Variants in PAPSS2 observed in about 807,000 individuals in gnomAD.
PAPSS2 encodes the protein bifunctional 3'-phosphoadenosine 5'-phosphosulfate synthase 2.
Under a neutral mutation model 66.5 loss-of-function variants are expected in PAPSS2, and 61 were observed. That is an observed-to-expected ratio of 0.92 (90% CI 0.75 to 1.14). PAPSS2 has a LOEUF of 1.14. PAPSS2 is among the 50% of genes most tolerant of loss of function. The pLI, the probability that PAPSS2 is intolerant of heterozygous loss-of-function variation, is 0.00. For missense variants in PAPSS2, 708 were observed against 789.6 expected (o/e 0.90, Z 1.24); for synonymous variants, 289 against 287.5 (o/e 1.01, Z -0.05).
At chr10:87,702,089 A>AT (rs1294472903) in intron 1 of PAPSS2, among the ~76,000 whole-genome samples, 3 of 152,240 alleles carry the variant, frequency 2.0e-5, no homozygotes, top group Non-Finnish European at 2.9e-5. Context: ...TAATTGTGAA[A>AT]CATTTGAAGC....
chr10:87,741,906 T>TGCCA (rs908107401), intron 10 of PAPSS2, among the ~76,000 whole-genome samples: 1 of 152,086 alleles, frequency 6.6e-6, no homozygotes, highest in Admixed American at 6.5e-5. Flanking sequence ...ACAAGGCACA[T>TGCCA]GCCACCATAC....
At chr10:87,734,626 T>C (rs1228831526) in intron 9 of PAPSS2, among the ~76,000 whole-genome samples, 2 of 146,428 alleles carry the variant, frequency 1.4e-5, no homozygotes, top group East Asian at 4.0e-4. Flanking sequence ...CCCCAGATTC[T>C]GTGACTATGA....
chr10:87,735,173 G>T lies in PAPSS2; in HGVS notation c.1087-6062G>T, dbSNP rs527327221. Among the ~76,000 whole-genome samples, 22 of 152,156 alleles carry T rather than the reference G, an allele frequency of 1.4e-4. No individual in the cohort carries two copies. In the South Asian group the frequency reaches 4.4e-3, roughly 30 times the overall value. On this transcript the variant is annotated intron_variant, in intron 9 of 12. Transcript: ENST00000456849. ...GGCAGGAAGCTTGGAAGGGGGTGGG[G>T]ACTTCTAGGCCACAAAGCCCTGGGA...
chr10:87,732,606 C>T (rs1414480805), intron 9 of PAPSS2, among the ~76,000 whole-genome samples: 1 of 151,712 alleles, frequency 6.6e-6, no homozygotes, highest in African/African-American at 2.4e-5. Context: ...ATAGTGTAAA[C>T]ATAACTTTTA....
rs1258436345 is a variant in PAPSS2, at chr10:87,713,149, T to G, written c.220T>G (p.Tyr74Asp). The G allele has an allele frequency of 6.2e-7, 1 of 1,613,458 alleles. No homozygotes were observed. Among genetic ancestry groups the G allele is most frequent in the Non-Finnish European group, 8.5e-7 (1 of 1,179,664 alleles). Reference protein sequence around the residue: ...EYLVSHAIPCYSLDGDNVRHG... With the variant: ...EYLVSHAIPCDSLDGDNVRHG... ...CCTTGTCTCCCATGCCATCCCTTGT[T>G]ACTCCCTGGATGGGGACAATGTCCG... Residue 74 changes from tyrosine to aspartate, a missense_variant, in exon 3 of 13, where the codon TAC becomes GAC. Tyr to Asp is a radical substitution (Grantham distance 160). Coordinates refer to ENST00000456849, the MANE Select transcript of PAPSS2 (RefSeq NM_001015880.2).
chr10:87,660,145 G>A, intron 1 of PAPSS2, 137 bp downstream of exon 1: 1 of 871,626 alleles, frequency 1.1e-6, no homozygotes, highest in Admixed American at 2.0e-5. Context: ...GGGGCACGGA[G>A]GGAAGCAAGA....
At chr10:87,689,690 A>T (rs1332096895) in intron 1 of PAPSS2, among the ~76,000 whole-genome samples, 2 of 151,498 alleles carry the variant, frequency 1.3e-5, no homozygotes, top group Admixed American at 6.6e-5. Flanking sequence ...AAAGAAAAAA[A>T]AAAAGAACTG....
chr10:87,716,226 G>T (rs1853530540), intron 7 of PAPSS2, among the ~76,000 whole-genome samples: 3 of 152,114 alleles, frequency 2.0e-5, no homozygotes, highest in Admixed American at 2.0e-4. Context: ...GACCTCCATG[G>T]CACCCTCCAC....
At chr10:87,683,058 CT>C (rs1170910049) in intron 1 of PAPSS2, among the ~76,000 whole-genome samples, 1 of 149,796 alleles carries the variant, frequency 6.7e-6, no homozygotes, top group Admixed American at 6.7e-5. Context: ...TTTTCTTTTT[CT>C]TTTTTTTCTT....
At position 87,709,274 on chromosome 10, in the gene PAPSS2, AC is replaced by A. The variant is rs773328160; in HGVS notation, c.107del (p.Thr36LysfsTer12). ...GAATAAGAGAGGGCAAGTGGTTGGA[AC>A]AAGGGGTGGGTTCCGAGGATGTACC... ...SRNKRGQVVGTRGGFRGCTVW... is the reference protein window; with the variant it reads ...SRNKRGQVVGXRGGFRGCTVW... On this transcript the variant is annotated frameshift_variant, in exon 2 of 13. Coordinates refer to ENST00000456849, the MANE Select transcript of PAPSS2 (RefSeq NM_001015880.2). LOFTEE classifies it high-confidence loss of function. The A allele has an allele frequency of 6.2e-7, 1 of 1,613,204 alleles. No individual in the cohort carries two copies. The highest frequency in any genetic ancestry group is 1.3e-5 in the African/African-American group (1 of 75,020).
intron 1 of PAPSS2, among the ~76,000 whole-genome samples, chr10:87,704,574 G>T (rs1853358893): frequency 7.3e-6 from 1 of 136,166 alleles, no homozygotes; most frequent in Non-Finnish European, 1.5e-5. Flanking sequence ...CATAAATGCA[G>T]CAGCATTGAG....
At chr10:87,732,809 T>C (rs1853745794) in intron 9 of PAPSS2, among the ~76,000 whole-genome samples, 1 of 152,210 alleles carries the variant, frequency 6.6e-6, no homozygotes. Context: ...AATGGTGGCA[T>C]GACTTGTGTC....
chr10:87,686,662 G>A (rs1384335396), intron 1 of PAPSS2, among the ~76,000 whole-genome samples: 1 of 152,170 alleles, frequency 6.6e-6, no homozygotes, highest in Non-Finnish European at 1.5e-5. Context: ...TTTCAGAACT[G>A]GTTGTCGACT....
chr10:87,665,412 C>T (rs189599923), intron 1 of PAPSS2, among the ~76,000 whole-genome samples: 38 of 152,254 alleles, frequency 2.5e-4, no homozygotes, highest in Admixed American at 3.9e-4. Flanking sequence ...GGGGTTTCAC[C>T]GCGTTAACCA....
chr10:87,681,167 T>C (rs1445428396), intron 1 of PAPSS2, among the ~76,000 whole-genome samples: 1 of 152,186 alleles, frequency 6.6e-6, no homozygotes, highest in African/African-American at 2.4e-5. Context: ...AAGACATCAA[T>C]AGTGCCAAGG....
intron 6 of PAPSS2, 149 bp downstream of exon 6, chr10:87,715,247 C>T (rs527249180): frequency 3.0e-6 from 2 of 666,126 alleles, no homozygotes; most frequent in Admixed American, 2.3e-5. Context: ...TTATTTTTAA[C>T]CTCTTCTCCA....
chr10:87,678,206 C>T (rs1289526073), intron 1 of PAPSS2, among the ~76,000 whole-genome samples: 1 of 152,098 alleles, frequency 6.6e-6, no homozygotes, highest in Admixed American at 6.6e-5. Context: ...AGGATACCCT[C>T]TTCAATAAAT....
Position 87,727,476 on chromosome 10 carries a change from AC to A in PAPSS2, c.1078del (p.His360IlefsTer5), listed in dbSNP as rs1853674954. 6.2e-7 allele frequency: 1 copy of A among 1,612,016 alleles called. No individual in the cohort carries two copies. Among genetic ancestry groups the A allele is most frequent in the Non-Finnish European group, 8.5e-7 (1 of 1,178,812 alleles). ...SRVWGTTCTKHPHIKMVMESG... is the reference protein window; with the variant it reads ...SRVWGTTCTKXPHIKMVMESG... ...GTTTGGGGGACAACATGTACAAAAC[AC>A]CCCCATATCAAAGTAAGTCACAAAA... On this transcript the variant is annotated frameshift_variant, in exon 9 of 13. Coordinates refer to ENST00000456849, the MANE Select transcript of PAPSS2 (RefSeq NM_001015880.2). LOFTEE classifies it high-confidence loss of function.
chr10:87,692,988 A>G (rs144016228), intron 1 of PAPSS2, among the ~76,000 whole-genome samples: 1 of 152,326 alleles, frequency 6.6e-6, no homozygotes, highest in Non-Finnish European at 1.5e-5. Context: ...TTTGAATATA[A>G]TGGTGAGCAT....
Sources: allele counts gnomAD v4.1 joint callset (sites outside exome capture counted in the v4.1 genomes callset), GRCh38; gene constraint gnomAD v4.1.1; transcripts MANE v1.5; gene names NCBI Gene and HGNC (gene_info 2026-07-23, HGNC 2026-07-21).